RARB: variants seen among roughly 807,000 people sequenced by gnomAD.
RARB encodes the protein HBV-activated protein.
RARB carries 17 observed loss-of-function variants against 51.9 expected under a neutral mutation model. The ratio of observed to expected loss-of-function variants is 0.33; its 90% CI spans 0.22 to 0.49. The LOEUF (loss-of-function observed/expected upper bound fraction) is 0.49. RARB is among the 20% of genes least tolerant of loss of function. The pLI is 0.99. For synonymous variants in RARB, 215 were observed against 195.4 expected, an observed-to-expected ratio of 1.10 and a Z score of -0.84; for missense variants, 369 against 550.8, an observed-to-expected ratio of 0.67 and a Z score of 3.30.
rs1695769842 is a variant in RARB, at chr3:25,472,958, T to A, written c.306+11617T>A. On this transcript the variant is annotated intron_variant, in intron 2 of 7. Transcript: ENST00000330688. ...GGACCTACAAAGCCAGTTCTTGCCA[T>A]AGCTCTGGAAACAGATCACTCCATG... Among the ~76,000 whole-genome samples, 5 of 152,326 alleles carry A rather than the reference T, an allele frequency of 3.3e-5. No homozygotes were observed. In the South Asian group the frequency reaches 1.0e-3, roughly 32 times the overall value.
chr3:25,483,834 T>C (rs1471030333), intron 2 of RARB, among the ~76,000 whole-genome samples: 2 of 152,212 alleles, frequency 1.3e-5, no homozygotes, highest in East Asian at 3.9e-4. Flanking sequence ...TTATCATTAA[T>C]GTGACAGGGA....
intron 1 of RARB, among the ~76,000 whole-genome samples, chr3:25,434,546 C>CTT (rs71624605): frequency 5.2e-5 from 3 of 57,556 alleles, no homozygotes; most frequent in African/African-American, 1.8e-4. Flanking sequence ...TTTTTTTTTT[C>CTT]TTTTTTTTTT....
intron 2 of RARB, among the ~76,000 whole-genome samples, chr3:25,032,792 T>C (rs555651756): frequency 2.9e-4 from 44 of 152,328 alleles, no homozygotes; most frequent in Middle Eastern, 3.4e-3. Flanking sequence ...TAACTTGCCT[T>C]CTAAGAATTT....
intron 4 of RARB, among the ~76,000 whole-genome samples, chr3:25,170,499 G>A (rs904814726): frequency 2.0e-5 from 3 of 152,132 alleles, no homozygotes; most frequent in Admixed American, 6.5e-5. Context: ...TGATGCTGAT[G>A]TTGCCAGCTG....
At chr3:25,142,535 G>T (rs935295966) in intron 4 of RARB, among the ~76,000 whole-genome samples, 5 of 151,332 alleles carry the variant, frequency 3.3e-5, no homozygotes, top group Non-Finnish European at 7.4e-5. Flanking sequence ...TAATCTCTAT[G>T]TCCTTCCCTC....
intron 2 of RARB, among the ~76,000 whole-genome samples, chr3:24,966,357 AAAG>A (rs1268456740): frequency 1.3e-5 from 2 of 152,062 alleles, no homozygotes; most frequent in Non-Finnish European, 2.9e-5. Context: ...TTAACAAATG[AAAG>A]AAGGAGGTGA....
intron 5 of RARB, among the ~76,000 whole-genome samples, chr3:25,368,474 A>G (rs553109298): frequency 1.7e-4 from 26 of 152,306 alleles, no homozygotes; most frequent in South Asian, 1.5e-3. Context: ...GGCAAGTTCA[A>G]AGATGTTTAC....
chr3:25,348,629 A>T (rs938325119), intron 5 of RARB, among the ~76,000 whole-genome samples: 3 of 152,228 alleles, frequency 2.0e-5, no homozygotes, highest in Admixed American at 2.0e-4. Context: ...TGCACATGAC[A>T]CATGACCCAC....
In RARB at chr3:25,351,414, C is replaced by G. The variant is rs1705566704; in HGVS notation, c.179-109779C>G. Among the ~76,000 whole-genome samples, 4 of 152,132 alleles carry G rather than the reference C, an allele frequency of 2.6e-5. No homozygotes were observed. The South Asian group carries it at 8.3e-4, about 32-fold the overall frequency. On this transcript the variant is annotated intron_variant, in intron 5 of 11. Transcript: ENST00000383772. ...CACTCCTTTGATTGTTTATCGATCACAGAAAAATCGGATTTTCTTAATGAA... is the reference window on the plus strand; with the variant it reads ...CACTCCTTTGATTGTTTATCGATCAGAGAAAAATCGGATTTTCTTAATGAA...
At chr3:25,329,102 G>A (rs1173306434) in intron 5 of RARB, among the ~76,000 whole-genome samples, 2 of 152,206 alleles carry the variant, frequency 1.3e-5, no homozygotes, top group Non-Finnish European at 2.9e-5. Flanking sequence ...TCAGGGCAGG[G>A]CATAGATGAA....
intron 5 of RARB, among the ~76,000 whole-genome samples, chr3:25,274,027 T>C (rs754859033): frequency 2.6e-5 from 4 of 152,212 alleles, no homozygotes; most frequent in Non-Finnish European, 4.4e-5. Flanking sequence ...CTCTCAACTT[T>C]GCTTATGGCC....
At chr3:24,963,787 A>G (rs1696195006) in intron 2 of RARB, among the ~76,000 whole-genome samples, 1 of 152,084 alleles carries the variant, frequency 6.6e-6, no homozygotes, top group Admixed American at 6.6e-5. Flanking sequence ...TTAGGAACCT[A>G]GAATAAGTGT....
At chr3:25,403,871 G>T (rs1284880273) in intron 5 of RARB, among the ~76,000 whole-genome samples, 1 of 78,250 alleles carries the variant, frequency 1.3e-5, no homozygotes, top group Non-Finnish European at 2.4e-5. Flanking sequence ...GTCACAAGCT[G>T]TGAATTTCTT....
intron 5 of RARB, among the ~76,000 whole-genome samples, chr3:25,337,412 C>T (rs969833184): frequency 3.3e-5 from 5 of 152,138 alleles, no homozygotes; most frequent in Admixed American, 6.6e-5. Flanking sequence ...GAAAAGTTCC[C>T]TCAATGTGTC....
chr3:24,883,108 G>A (rs1360117953), intron 2 of RARB, among the ~76,000 whole-genome samples: 1 of 151,956 alleles, frequency 6.6e-6, no homozygotes, highest in Non-Finnish European at 1.5e-5. Flanking sequence ...AACCAACCCT[G>A]GGACCCAACT....
At chr3:24,905,734 G>A (rs1694848915) in intron 2 of RARB, among the ~76,000 whole-genome samples, 1 of 152,180 alleles carries the variant, frequency 6.6e-6, no homozygotes, top group Non-Finnish European at 1.5e-5. Context: ...TATAACTGGG[G>A]CCTGGGCCTT....
intron 5 of RARB, among the ~76,000 whole-genome samples, chr3:25,348,532 C>T (rs1208970055): frequency 2.0e-5 from 3 of 151,900 alleles, no homozygotes; most frequent in Non-Finnish European, 4.4e-5. Context: ...TGTAAATCCA[C>T]CAGTGGGTTT....
In RARB at chr3:25,150,720, G is replaced by A. The variant is rs182068982; in HGVS notation, c.-280+18512G>A. ...TTTAAACAGAATTCCAGGAGACCAG[G>A]AAAGAACTTCTTTGAACTTCCAAGA... On this transcript the variant is annotated intron_variant, in intron 4 of 11. Coordinates refer to the RARB transcript ENST00000383772. Among the ~76,000 whole-genome samples, 623 of 152,228 alleles carry A rather than the reference G, an allele frequency of 4.1e-3. 14 individuals are homozygous for A. The highest frequency in any genetic ancestry group is 2.3e-3 in the Non-Finnish European group (155 of 68,018).
intron 2 of RARB, among the ~76,000 whole-genome samples, chr3:24,955,248 C>CA (rs1450664602): frequency 6.6e-6 from 1 of 152,212 alleles, no homozygotes; most frequent in African/African-American, 2.4e-5. Context: ...TCTCTGAAGT[C>CA]ATGCCATCTG....
Sources: allele counts gnomAD v4.1 joint callset (sites outside exome capture counted in the v4.1 genomes callset), GRCh38; gene constraint gnomAD v4.1.1; transcripts MANE v1.5; gene names NCBI Gene and HGNC (gene_info 2026-07-23, HGNC 2026-07-21).